The following G2E3 variants were observed in gnomAD, a reference collection of about 807,000 sequenced individuals.
G2E3 encodes G2/M phase-specific E3 ubiquitin-protein ligase.
A neutral mutation model predicts 92.8 loss-of-function variants in G2E3; 35 were observed. The ratio of observed to expected loss-of-function variants is 0.38; its 90% confidence interval spans 0.29 to 0.50. The LOEUF (loss-of-function observed/expected upper bound fraction) is 0.50. Among genes scored for constraint, G2E3 ranks in the 20% least tolerant of loss-of-function variants. G2E3 has a pLI of 0.94. For synonymous variants in G2E3, 242 were observed against 272.4 expected (o/e 0.89, Z 1.10); for missense variants, 554 against 823.8 (o/e 0.67, Z 4.01).
intron 1 of G2E3, among the ~76,000 whole-genome samples, chr14:30,572,238 G>C (rs1255069538): frequency 1.3e-5 from 2 of 152,032 alleles, no homozygotes; most frequent in African/African-American, 4.8e-5. Context: ...TATGTTGGTA[G>C]GATTTTCTAT....
At chr14:30,577,830 T>G (rs1372370564) in intron 1 of G2E3, 1 of 152,224 alleles carries the variant, frequency 6.6e-6, no homozygotes, top group African/African-American at 2.4e-5. Context: ...AGTGTATCAC[T>G]GACTGATCAA....
chr14:30,583,886 T>C (rs536461628), intron 2 of G2E3, among the ~76,000 whole-genome samples: 1 of 152,194 alleles, frequency 6.6e-6, no homozygotes, highest in East Asian at 1.9e-4. Flanking sequence ...ATTCATACTT[T>C]AACTATTTTG....
intron 1 of G2E3, among the ~76,000 whole-genome samples, chr14:30,571,789 A>G (rs932926273): frequency 6.6e-6 from 1 of 151,918 alleles, no homozygotes; most frequent in African/African-American, 2.4e-5. Context: ...TTCCCTTATG[A>G]TCTATTGAGC....
Position 30,605,739 on chromosome 14 carries a change from CTT to C in G2E3, c.1246_1247del (p.Leu416AsnfsTer5). 6 of 1,607,186 alleles carry C rather than the reference CTT, an allele frequency of 3.7e-6. No homozygotes were observed. The highest frequency in any genetic ancestry group is 5.1e-6 in the Non-Finnish European group (6 of 1,176,270). On this transcript the variant is annotated frameshift_variant, in exon 11 of 15. Transcript: ENST00000206595. LOFTEE classifies it high-confidence loss of function. ...PGSKQEFLSL[L>X]MQHLENSSLF... ...GATCAAAGCAAGAATTTCTGAGTCTCTTAATGCAACATCTTGAGAACTCATCA... is the reference window on the plus strand; with the variant it reads ...GATCAAAGCAAGAATTTCTGAGTCTCAATGCAACATCTTGAGAACTCATCA...
chr14:30,598,445 T>C (rs375691900), intron 7 of G2E3, 38 bp from the exon 8 acceptor site: 50 of 1,249,892 alleles, frequency 4.0e-5, no homozygotes, highest in Non-Finnish European at 5.5e-5. Context: ...TGTAACATTA[T>C]TTATAGGTCA....
intron 1 of G2E3, among the ~76,000 whole-genome samples, chr14:30,571,720 A>G (rs570731577): frequency 1.3e-5 from 2 of 152,054 alleles, no homozygotes; most frequent in South Asian, 2.1e-4. Flanking sequence ...TTGAAAAGCA[A>G]TTGTCTGGGT....
chr14:30,589,817 C>T (rs952577517), intron 4 of G2E3, among the ~76,000 whole-genome samples: 1 of 152,010 alleles, frequency 6.6e-6, no homozygotes, highest in Non-Finnish European at 1.5e-5. Context: ...CTCTGCTGTT[C>T]TCTAAACCTT....
chr14:30,608,842 C>T (rs1036669295), intron 12 of G2E3, among the ~76,000 whole-genome samples: 1 of 152,164 alleles, frequency 6.6e-6, no homozygotes, highest in Admixed American at 6.5e-5. Context: ...CTTAGCCAGG[C>T]GTGGTGGCAT....
At chr14:30,560,514 T>C in intron 1 of G2E3, 1 of 419,356 alleles carries the variant, frequency 2.4e-6, no homozygotes, top group Non-Finnish European at 4.2e-6. Context: ...TTTAGGATAG[T>C]TAAAATATGA....
intron 12 of G2E3, among the ~76,000 whole-genome samples, chr14:30,609,111 A>G (rs1217326330): frequency 6.6e-6 from 1 of 152,228 alleles, no homozygotes; most frequent in African/African-American, 2.4e-5. Flanking sequence ...AGTAAGCACT[A>G]TTGAAGTGTG....
chr14:30,574,039 A>G lies in G2E3; in HGVS notation c.-4-7037A>G, dbSNP rs547599519. On this transcript the variant is annotated intron_variant, in intron 1 of 14. Coordinates refer to ENST00000206595, the MANE Select transcript of G2E3 (RefSeq NM_017769.5). ...TCTAAAGTTACAGGAAAGTTGCAAG[A>G]AAAGTACAAAGAACTACATATGCCC... 2.6e-5 allele frequency among the ~76,000 whole-genome samples: 4 copies of G among 152,300 alleles called. No homozygotes were observed. In the South Asian group the frequency reaches 8.3e-4, roughly 32 times the overall value.
At chr14:30,572,907 A>G (rs1282031823) in intron 1 of G2E3, among the ~76,000 whole-genome samples, 1 of 152,130 alleles carries the variant, frequency 6.6e-6, no homozygotes, top group Non-Finnish European at 1.5e-5. Flanking sequence ...TCTAAACTTC[A>G]TACCTTCAAT....
intron 1 of G2E3, among the ~76,000 whole-genome samples, chr14:30,566,349 T>C (rs1198465486): frequency 6.6e-6 from 1 of 152,176 alleles, no homozygotes; most frequent in African/African-American, 2.4e-5. Flanking sequence ...ATAACCATCT[T>C]AATGAAATAG....
chr14:30,605,276 C>T (rs1186504087), intron 10 of G2E3, among the ~76,000 whole-genome samples: 1 of 152,140 alleles, frequency 6.6e-6, no homozygotes, highest in Non-Finnish European at 1.5e-5. Flanking sequence ...GTACATGATT[C>T]TAATTTGGTA....
chr14:30,580,928 T>A (rs1369388693), intron 1 of G2E3, 148 bp from the exon 2 acceptor site: 1 of 596,604 alleles, frequency 1.7e-6, no homozygotes, highest in Non-Finnish European at 3.1e-6. Context: ...TGAGAACTAC[T>A]GATCTTAGAT....
At chr14:30,604,479 T>C (rs1881729093) in intron 10 of G2E3, among the ~76,000 whole-genome samples, 1 of 152,220 alleles carries the variant, frequency 6.6e-6, no homozygotes, top group African/African-American at 2.4e-5. Flanking sequence ...ATATCGTCAC[T>C]TGGATTGTTA....
intron 13 of G2E3, 30 bp from the exon 14 acceptor site, chr14:30,615,319 A>C (rs1441327785): frequency 1.7e-6 from 2 of 1,201,190 alleles, no homozygotes; most frequent in Admixed American, 4.4e-5. Context: ...ACATGTATGA[A>C]TGTTGGCTCA....
intron 14 of G2E3, 52 bp downstream of exon 14, chr14:30,615,591 C>T (rs1882277552): frequency 3.5e-6 from 4 of 1,150,026 alleles, no homozygotes; most frequent in Admixed American, 2.6e-5. Flanking sequence ...TTTGTTTCAG[C>T]ATATTTGTTG....
intron 6 of G2E3, among the ~76,000 whole-genome samples, chr14:30,595,706 CTT>C (rs990639262): frequency 2.0e-5 from 3 of 152,126 alleles, no homozygotes; most frequent in African/African-American, 7.2e-5. Context: ...GTTCCAATAA[CTT>C]TTGTACTCTG....
Sources: gnomAD v4.1 joint callset for allele counts (sites outside exome capture counted in the v4.1 genomes callset) on GRCh38, gnomAD v4.1.1 for gene constraint, MANE v1.5 for transcripts, NCBI Gene and HGNC (gene_info 2026-07-23, HGNC 2026-07-21) for gene names.